The following FRMD4A variants were observed in gnomAD, a reference collection of about 807,000 sequenced individuals.
FRMD4A encodes the protein FERM domain containing 4A.
FRMD4A carries 29 observed loss-of-function variants against 129.1 expected under a neutral mutation model. That is an observed-to-expected ratio of 0.22 (90% confidence interval 0.17 to 0.31). FRMD4A has a LOEUF of 0.31. Ranked by LOEUF, FRMD4A falls within the 10% of genes least tolerant of loss-of-function variation. FRMD4A has a pLI of 1.00. For synonymous variants in FRMD4A, 634 were observed against 571.6 expected (o/e 1.11, Z -1.56); for missense variants, 1,272 against 1,375.8 (o/e 0.92, Z 1.19).
chr10:14,145,074 G>A (rs1840010024), intron 2 of FRMD4A, among the ~76,000 whole-genome samples: 1 of 152,174 alleles, frequency 6.6e-6, no homozygotes, highest in South Asian at 2.1e-4. Flanking sequence ...GTGACTTGGA[G>A]AATGGCATTA....
chr10:13,714,787 C>A (rs886742831), intron 12 of FRMD4A, among the ~76,000 whole-genome samples: 12 of 152,138 alleles, frequency 7.9e-5, no homozygotes, highest in African/African-American at 2.7e-4. Flanking sequence ...TGCCTGTAAT[C>A]CCAGCACTTT....
At chr10:13,916,762 C>T (rs924822288) in intron 2 of FRMD4A, among the ~76,000 whole-genome samples, 2 of 152,128 alleles carry the variant, frequency 1.3e-5, no homozygotes, top group Non-Finnish European at 2.9e-5. Flanking sequence ...CTCACTAAAA[C>T]CATACCATAT....
rs1432476715 is a variant in FRMD4A at position 14,165,518 on chromosome 10, AC to A, written c.45+164539del. On this transcript the variant is annotated intron_variant, in intron 2 of 24. Coordinates refer to ENST00000357447, the MANE Select transcript of FRMD4A (RefSeq NM_018027.5). ...CCAGCAATCCCATTACTGAGCATAT[AC>A]CCAAAGGAAAAGAAATCATTCTACC... Among the ~76,000 whole-genome samples, 28 of 152,322 alleles carry A rather than the reference AC, an allele frequency of 1.8e-4. 2 individuals carry two copies. Among genetic ancestry groups the A allele is most frequent in the Admixed American group, 1.5e-3 (23 of 15,292 alleles).
chr10:13,818,888 A>G (rs190589932), intron 3 of FRMD4A, among the ~76,000 whole-genome samples: 2 of 152,298 alleles, frequency 1.3e-5, no homozygotes, highest in Admixed American at 1.3e-4. Context: ...GACTTTGGGA[A>G]GCCGAGGTGG....
chr10:13,680,439 A>T (rs887482471), intron 15 of FRMD4A, among the ~76,000 whole-genome samples: 1 of 152,154 alleles, frequency 6.6e-6, no homozygotes, highest in Non-Finnish European at 1.5e-5. Context: ...GAAATTAAAA[A>T]AAAAAGGGCT....
intron 2 of FRMD4A, among the ~76,000 whole-genome samples, chr10:14,266,094 G>A (rs902414637): frequency 4.0e-5 from 6 of 150,534 alleles, no homozygotes; most frequent in African/African-American, 1.5e-4. Flanking sequence ...AACGGGTGTG[G>A]GTTTCGAGCA....
In FRMD4A at chr10:13,926,235, A is replaced by T. The variant is rs147575718; in HGVS notation, c.46-67323T>A. On this transcript the variant is annotated intron_variant, in intron 2 of 24. Transcript: ENST00000357447. ...AACATTTGTCAGCCTGCCCTGGCCA[A>T]CTGTGAACACAGATTCCTAGAAGAA... Among the ~76,000 whole-genome samples the T allele has an allele frequency of 8.8e-4, 134 of 152,350 alleles. 1 individual carries two copies. The highest frequency in any genetic ancestry group is 3.1e-3 in the African/African-American group (128 of 41,582).
chr10:13,744,869 T>C (rs1239219818), intron 9 of FRMD4A, among the ~76,000 whole-genome samples: 1 of 152,226 alleles, frequency 6.6e-6, no homozygotes, highest in East Asian at 1.9e-4. Flanking sequence ...CTGCTCTCTC[T>C]TCATTCTGTA....
intron 2 of FRMD4A, among the ~76,000 whole-genome samples, chr10:14,125,615 C>T (rs766125629): frequency 6.6e-6 from 1 of 152,174 alleles, no homozygotes; most frequent in African/African-American, 2.4e-5. Context: ...ATCTGACCTC[C>T]ACAATGCTGG....
chr10:14,173,157 C>T (rs555948005), intron 2 of FRMD4A, among the ~76,000 whole-genome samples: 7 of 152,220 alleles, frequency 4.6e-5, no homozygotes, highest in South Asian at 4.1e-4. Context: ...GATCTATTTG[C>T]CCCTTGATTT....
rs184200969 is a variant in FRMD4A, at chr10:14,330,907, T to C, written c.-392A>G. 1 of 398,576 alleles carries C rather than the reference T, an allele frequency of 2.5e-6. No individual in the cohort carries two copies. The highest frequency in any genetic ancestry group is 4.4e-6 in the Non-Finnish European group (1 of 226,148). The allele number at this position is 398,576 out of a possible 1,614,324, so 24.7% of individuals were successfully genotyped here. On this transcript the variant is annotated 5_prime_UTR_variant, in exon 1 of 25. It removes an upstream start codon present in the reference 5' UTR. Coordinates refer to ENST00000357447, the MANE Select transcript of FRMD4A (RefSeq NM_018027.5). ...TTCTGATCTCCCTGGCTGTACCACA[T>C]GTACGCCGCATACAGACACACTCTA...
intron 2 of FRMD4A, among the ~76,000 whole-genome samples, chr10:13,884,402 A>G (rs2094594770): frequency 6.6e-6 from 1 of 152,186 alleles, no homozygotes. Flanking sequence ...TTATGGGGTG[A>G]TTACAGTGTT....
At chr10:14,170,604 T>C (rs938026465) in intron 2 of FRMD4A, among the ~76,000 whole-genome samples, 1 of 152,156 alleles carries the variant, frequency 6.6e-6, no homozygotes, top group Non-Finnish European at 1.5e-5. Flanking sequence ...CATATTGGAG[T>C]ATTCAGAAAA....
rs1195049696 is a variant in FRMD4A at position 13,740,721 on chromosome 10, G to A, written c.549-144C>T. 7.0e-6 allele frequency: 4 copies of A among 570,962 alleles called. No individual in the cohort carries two copies. The African/African-American group carries it at 7.7e-5, about 11-fold the overall frequency. 35.4% of individuals were successfully genotyped at this position (570,962 alleles called of 1,614,324 possible). ...TGGAAAAATGATTTGTCCTGGAGTG[G>A]TATTTCCAAACTCGGTCTGAGTGCT... On this transcript the variant is annotated intron_variant, in intron 9 of 24. Transcript: ENST00000357447.
rs117006831 is a variant in FRMD4A, at chr10:13,960,154, C to T, written c.46-101242G>A. Among the ~76,000 whole-genome samples, 619 of 152,296 alleles carry T rather than the reference C, an allele frequency of 4.1e-3. 3 individuals are homozygous for T. The highest frequency in any genetic ancestry group is 7.0e-3 in the Non-Finnish European group (477 of 68,024). ...TGTGAGCCCCAGGAAGTACCTGCTA[C>T]CCAAGACACCAACAATTGCCTGCCT... is the stretch of plus-strand genomic sequence containing the variant. On this transcript the variant is annotated intron_variant, in intron 2 of 24. Coordinates refer to ENST00000357447, the MANE Select transcript of FRMD4A (RefSeq NM_018027.5).
At chr10:14,123,166 C>T (rs958963640) in intron 2 of FRMD4A, among the ~76,000 whole-genome samples, 8 of 152,122 alleles carry the variant, frequency 5.3e-5, no homozygotes, top group Non-Finnish European at 1.0e-4. Flanking sequence ...ACCGAGGCTG[C>T]ATGACCCTTG....
Position 13,968,984 on chromosome 10 carries a change from T to C in FRMD4A, c.46-110072A>G, listed in dbSNP as rs538821240. 1.2e-4 allele frequency among the ~76,000 whole-genome samples: 19 copies of C among 152,334 alleles called. No individual in the cohort carries two copies. The East Asian group carries it at 3.1e-3, about 25-fold the overall frequency. Reference sequence around the variant, plus strand: ...ACTATGAAGAATGGAAAATGGCCCATGTATTATTACAGATATGTCTTTAAA... The same window carrying C: ...ACTATGAAGAATGGAAAATGGCCCACGTATTATTACAGATATGTCTTTAAA... On this transcript the variant is annotated intron_variant, in intron 2 of 24. Transcript: ENST00000357447.
intron 2 of FRMD4A, among the ~76,000 whole-genome samples, chr10:13,999,354 A>G (rs957242200): frequency 2.0e-5 from 3 of 152,184 alleles, no homozygotes; most frequent in African/African-American, 7.2e-5. Flanking sequence ...TGTTAAATAA[A>G]TATCTGTGAA....
At chr10:14,174,919 G>GTGTGT (rs60814768) in intron 2 of FRMD4A, among the ~76,000 whole-genome samples, 1 of 149,430 alleles carries the variant, frequency 6.7e-6, no homozygotes, top group Non-Finnish European at 1.5e-5. Flanking sequence ...GTGTGTGTGT[G>GTGTGT]GACGCGCGCG....
Sources: gnomAD v4.1 joint callset for allele counts (sites outside exome capture counted in the v4.1 genomes callset) on GRCh38, gnomAD v4.1.1 for gene constraint, MANE v1.5 for transcripts, NCBI Gene and HGNC (gene_info 2026-07-23, HGNC 2026-07-21) for gene names.